The following PLXNA4 variants were observed in gnomAD, a reference collection of about 807,000 sequenced individuals.
The protein encoded by PLXNA4 is plexin A4, also known as plexin-A4.
In PLXNA4, 44 loss-of-function variants were observed where a neutral mutation model predicts 191.8. The ratio of observed to expected loss-of-function variants is 0.23; its 90% confidence interval spans 0.18 to 0.29. The LOEUF is 0.29. Ranked by LOEUF, PLXNA4 falls within the 10% of genes least tolerant of loss-of-function variation. The probability of loss-of-function intolerance (pLI) is 1.00; values close to 1 mark genes in which losing one functional copy is unlikely to be tolerated. For missense variants in PLXNA4, 1,800 were observed against 2,488.8 expected (o/e 0.72, Z 5.89); for synonymous variants, 1,082 against 1,009.5 (o/e 1.07, Z -1.36).
intron 1 of PLXNA4, among the ~76,000 whole-genome samples, chr7:132,549,807 G>A (rs1800478560): frequency 6.6e-6 from 1 of 152,062 alleles, no homozygotes; most frequent in Non-Finnish European, 1.5e-5. Context: ...GAGCAGCATG[G>A]GGGCTAGGAT....
chr7:132,488,751 T>C (rs920647469), intron 3 of PLXNA4, among the ~76,000 whole-genome samples: 1 of 152,202 alleles, frequency 6.6e-6, no homozygotes, highest in Admixed American at 6.5e-5. Flanking sequence ...TCATACCATC[T>C]GACCTCACCA....
At chr7:132,529,510 T>C (rs1410342434) in intron 1 of PLXNA4, among the ~76,000 whole-genome samples, 1 of 152,138 alleles carries the variant, frequency 6.6e-6, no homozygotes, top group African/African-American at 2.4e-5. Context: ...AAAGTTTTTT[T>C]AAAAACACAG....
At chr7:132,164,085 A>G in intron 24 of PLXNA4, 57 bp downstream of exon 24, 1 of 1,608,048 alleles carries the variant, frequency 6.2e-7, no homozygotes, top group Non-Finnish European at 8.5e-7. Context: ...GAGCAGGGCT[A>G]CCCAGGATGG....
chr7:132,620,906 C>G lies in PLXNA4; in HGVS notation c.-87+25022G>C, dbSNP rs1803246834. On this transcript the variant is annotated intron_variant, in intron 2 of 4. Coordinates refer to the PLXNA4 transcript ENST00000378539. ...TGAAAGTCCAAGATCCAAGTTCTGA[C>G]CAATTTAGTATCCAGTAAAGGCCTG... 2.0e-5 allele frequency among the ~76,000 whole-genome samples: 3 copies of G among 152,258 alleles called. No individual in the cohort carries two copies. In the South Asian group the frequency reaches 6.2e-4, roughly 32 times the overall value.
intron 2 of PLXNA4, among the ~76,000 whole-genome samples, chr7:132,592,933 T>C (rs146189796): frequency 8.5e-5 from 13 of 152,242 alleles, no homozygotes; most frequent in African/African-American, 3.1e-4. Flanking sequence ...GATGTTATTT[T>C]TCCAAATAAT....
intron 1 of PLXNA4, among the ~76,000 whole-genome samples, chr7:132,551,055 T>G (rs1477115910): frequency 6.6e-6 from 1 of 152,144 alleles, no homozygotes; most frequent in Non-Finnish European, 1.5e-5. Context: ...CTGCCTTCCC[T>G]TCCACTTAGT....
intron 2 of PLXNA4, among the ~76,000 whole-genome samples, chr7:132,504,403 C>G (rs73158861): frequency 0.11 from 16,778 of 152,152 alleles, 1,165 homozygotes; most frequent in Non-Finnish European, 0.14. Flanking sequence ...TTGCGGATCC[C>G]GGCTCTGAGT....
intron 3 of PLXNA4, among the ~76,000 whole-genome samples, chr7:132,482,781 C>T (rs1797390086): frequency 6.6e-6 from 1 of 151,918 alleles, no homozygotes; most frequent in Non-Finnish European, 1.5e-5. Flanking sequence ...CAACCTCCGC[C>T]TCCTGGGTTC....
At chr7:132,433,996 G>T (rs972799966) in intron 3 of PLXNA4, among the ~76,000 whole-genome samples, 3 of 152,188 alleles carry the variant, frequency 2.0e-5, no homozygotes, top group Non-Finnish European at 4.4e-5. Context: ...ATCAATGAAA[G>T]CATGTTCAGC....
At chr7:132,187,405 C>T in intron 15 of PLXNA4, 66 bp downstream of exon 15, 3 of 1,553,986 alleles carry the variant, frequency 1.9e-6, no homozygotes, top group African/African-American at 1.4e-5. Flanking sequence ...ACAAAGCTAC[C>T]CTGAAGTCAT....
intron 3 of PLXNA4, among the ~76,000 whole-genome samples, chr7:132,373,158 G>T (rs1344408955): frequency 1.3e-5 from 2 of 152,148 alleles, no homozygotes; most frequent in Non-Finnish European, 2.9e-5. Context: ...ATGTGGTCAG[G>T]CAGTAGAAGT....
At chr7:132,238,984 G>T (rs986263639) in intron 5 of PLXNA4, among the ~76,000 whole-genome samples, 10 of 152,238 alleles carry the variant, frequency 6.6e-5, no homozygotes, top group African/African-American at 2.4e-4. Flanking sequence ...GCATCACCAT[G>T]TCCAATTCAC....
rs57153762 is a variant in PLXNA4 at position 132,156,135 on chromosome 7, TACACACAC to T, written c.4660+3330_4660+3337del. Among the ~76,000 whole-genome samples, 1,118 of 133,094 alleles carry T rather than the reference TACACACAC, an allele frequency of 8.4e-3. 12 individuals carry two copies. The highest frequency in any genetic ancestry group is 0.024 in the African/African-American group (825 of 34,394). The allele number at this position is 133,094 out of a possible 152,430, so 87.3% of individuals were successfully genotyped here. On this transcript the variant is annotated intron_variant, in intron 25 of 31. Coordinates refer to ENST00000321063, the MANE Select transcript of PLXNA4 (RefSeq NM_020911.2). ...CTCTCTCTCTCTCTGTTTCTGGACATACACACACACACACACACACACACACACACACA... is the reference window on the plus strand; with the variant it reads ...CTCTCTCTCTCTCTGTTTCTGGACATACACACACACACACACACACACACA...
At chr7:132,268,924 G>A (rs1799956283) in intron 4 of PLXNA4, among the ~76,000 whole-genome samples, 1 of 152,216 alleles carries the variant, frequency 6.6e-6, no homozygotes, top group Non-Finnish European at 1.5e-5. Context: ...GGACACGGTA[G>A]CACTTCATTT....
intron 12 of PLXNA4, 124 bp from the exon 13 acceptor site, chr7:132,198,760 C>A: frequency 7.0e-7 from 1 of 1,427,100 alleles, no homozygotes; most frequent in Non-Finnish European, 9.3e-7. Context: ...GGCTTGAAGT[C>A]ACCAAGGGCA....
At chr7:132,547,567 C>A (rs1006986803) in intron 1 of PLXNA4, among the ~76,000 whole-genome samples, 3 of 152,108 alleles carry the variant, frequency 2.0e-5, no homozygotes, top group African/African-American at 7.2e-5. Context: ...AGGCTGGGAG[C>A]TGTCTGGGGC....
intron 3 of PLXNA4, among the ~76,000 whole-genome samples, chr7:132,379,675 A>T (rs1804808657): frequency 6.6e-6 from 1 of 152,252 alleles, no homozygotes; most frequent in Non-Finnish European, 1.5e-5. Flanking sequence ...CATCAGTCAA[A>T]TGTTGAAGGA....
chr7:132,549,720 T>C (rs1449361313), intron 1 of PLXNA4, among the ~76,000 whole-genome samples: 3 of 152,116 alleles, frequency 2.0e-5, no homozygotes, highest in Non-Finnish European at 4.4e-5. Context: ...GTCATGACAA[T>C]TGCTATTTGG....
At chr7:132,191,623 C>G (rs115577828) in intron 14 of PLXNA4, among the ~76,000 whole-genome samples, 463 of 152,282 alleles carry the variant, frequency 3.0e-3, no homozygotes, top group African/African-American at 0.011. Context: ...GAAAGCTGCT[C>G]TGGGCAGTGG....
Sources: allele counts gnomAD v4.1 joint callset (sites outside exome capture counted in the v4.1 genomes callset), GRCh38; gene constraint gnomAD v4.1.1; transcripts MANE v1.5; gene names NCBI Gene and HGNC (gene_info 2026-07-23, HGNC 2026-07-21).